The following CYTH1 variants were observed in gnomAD, a reference collection of about 807,000 sequenced individuals.
CYTH1 encodes cytohesin 1.
Under a neutral mutation model 61.8 loss-of-function variants are expected in CYTH1, and 18 were observed. The observed-to-expected ratio is 0.29, with a 90% CI of 0.20 to 0.43. The LOEUF is 0.43. Ranked by LOEUF, CYTH1 falls within the 20% of genes least tolerant of loss-of-function variation. CYTH1 has a pLI of 1.00. For missense variants in CYTH1, 336 were observed against 510.5 expected (o/e 0.66, Z 3.29); for synonymous variants, 174 against 184.3 (o/e 0.94, Z 0.45).
chr17:78,684,317 C>T (rs1321507646), intron 11 of CYTH1, among the ~76,000 whole-genome samples: 4 of 152,202 alleles, frequency 2.6e-5, no homozygotes. Context: ...ATGAGAACCA[C>T]TGATGGAAAC....
At chr17:78,754,597 C>T (rs2093393671) in intron 1 of CYTH1, among the ~76,000 whole-genome samples, 1 of 152,108 alleles carries the variant, frequency 6.6e-6, no homozygotes, top group Admixed American at 6.6e-5. Context: ...ATCCTCCTAC[C>T]TCAACCTCAA....
Position 78,675,981 on chromosome 17 carries a change from G to C in CYTH1, c.*110C>G. 6.5e-7 allele frequency: 1 copy of C among 1,550,026 alleles called. No homozygotes were observed. Among genetic ancestry groups the C allele is most frequent in the Non-Finnish European group, 8.7e-7 (1 of 1,146,222 alleles). ...GCTGAAGCTAGTCTCTAGGAATCCAGGGCGGGGCCTGGCAGAGGACGCTCT... is the reference window on the plus strand; with the variant it reads ...GCTGAAGCTAGTCTCTAGGAATCCACGGCGGGGCCTGGCAGAGGACGCTCT... On this transcript the variant is annotated 3_prime_UTR_variant, in exon 14 of 14. Transcript: ENST00000446868.
rs992619406 is a variant in CYTH1, at chr17:78,776,520, G to A, written c.22+5682C>T. ...AAAAATACAAAACAATTAGCTGAGCGTGGTAGCACACGCCTGTTGTCCCAG... is the reference window on the plus strand; with the variant it reads ...AAAAATACAAAACAATTAGCTGAGCATGGTAGCACACGCCTGTTGTCCCAG... On this transcript the variant is annotated intron_variant, in intron 1 of 13. Coordinates refer to ENST00000446868, the MANE Select transcript of CYTH1 (RefSeq NM_004762.6). Among the ~76,000 whole-genome samples, 7 of 152,060 alleles carry A rather than the reference G, an allele frequency of 4.6e-5. No individual in the cohort carries two copies. The South Asian group carries it at 8.3e-4, about 18-fold the overall frequency.
At chr17:78,744,045 C>A (rs1048971572) in intron 1 of CYTH1, among the ~76,000 whole-genome samples, 2 of 152,332 alleles carry the variant, frequency 1.3e-5, no homozygotes, top group East Asian at 1.9e-4. Context: ...GGGGGCTACA[C>A]TGAGGAAGAA....
At chr17:78,748,972 C>T (rs1248081124) in intron 1 of CYTH1, among the ~76,000 whole-genome samples, 2 of 152,196 alleles carry the variant, frequency 1.3e-5, no homozygotes, top group African/African-American at 4.8e-5. Context: ...GCCCTGAAGA[C>T]GGAACCATCA....
At chr17:78,712,911 G>A (rs941715517) in intron 1 of CYTH1, among the ~76,000 whole-genome samples, 8 of 151,574 alleles carry the variant, frequency 5.3e-5, no homozygotes, top group African/African-American at 1.2e-4. Flanking sequence ...ATTGGAGGAC[G>A]GAGCCTTAAA....
chr17:78,779,014 C>A (rs956713318), intron 1 of CYTH1, among the ~76,000 whole-genome samples: 1 of 152,178 alleles, frequency 6.6e-6, no homozygotes, highest in Non-Finnish European at 1.5e-5. Flanking sequence ...TCATCTTACA[C>A]CATCAGGTAC....
At chr17:78,725,818 A>G (rs1043552034) in intron 1 of CYTH1, among the ~76,000 whole-genome samples, 4 of 152,206 alleles carry the variant, frequency 2.6e-5, no homozygotes, top group African/African-American at 9.6e-5. Context: ...ATGTCAGTGG[A>G]CAAAGAAGTT....
chr17:78,777,854 T>C (rs1200205226), intron 1 of CYTH1, among the ~76,000 whole-genome samples: 4 of 149,560 alleles, frequency 2.7e-5, no homozygotes, highest in Non-Finnish European at 5.9e-5. Flanking sequence ...AAGAAAGAAT[T>C]CTAAAAACAG....
At chr17:78,736,204 C>G (rs2093319232) in intron 1 of CYTH1, among the ~76,000 whole-genome samples, 1 of 152,182 alleles carries the variant, frequency 6.6e-6, no homozygotes, top group Non-Finnish European at 1.5e-5. Context: ...TTTTTAGTAT[C>G]AGATTCTTTC....
intron 11 of CYTH1, among the ~76,000 whole-genome samples, chr17:78,685,444 A>G (rs1210731576): frequency 6.6e-6 from 1 of 150,942 alleles, no homozygotes; most frequent in East Asian, 1.9e-4. Flanking sequence ...TTTATATTTA[A>G]GCATATTTTA....
At chr17:78,771,185 C>A (rs538318497) in intron 1 of CYTH1, among the ~76,000 whole-genome samples, 24 of 152,298 alleles carry the variant, frequency 1.6e-4, no homozygotes, top group Middle Eastern at 6.8e-3. Context: ...ACTGCCTGAA[C>A]CTGGGAGGCA....
intron 1 of CYTH1, among the ~76,000 whole-genome samples, chr17:78,725,146 C>T (rs890348023): frequency 2.0e-5 from 3 of 152,160 alleles, no homozygotes; most frequent in African/African-American, 7.2e-5. Flanking sequence ...TACTCAGTTA[C>T]ATCTCTTTGC....
rs80019235 is a variant in CYTH1 at position 78,682,209 on chromosome 17, C to A, written c.892-1167G>T. ...TCCTAATTTTTTCCTTCCTGAAAAG[C>A]TTCCTTCCCCACTGGAACCAAAATT... is the stretch of plus-strand genomic sequence containing the variant. On this transcript the variant is annotated intron_variant, in intron 11 of 13. Transcript: ENST00000446868. Among the ~76,000 whole-genome samples, 33 of 152,234 alleles carry A rather than the reference C, an allele frequency of 2.2e-4. No homozygotes were observed. In the East Asian group the frequency reaches 6.0e-3, roughly 28 times the overall value.
chr17:78,724,454 G>A (rs2093254364), intron 1 of CYTH1, among the ~76,000 whole-genome samples: 1 of 152,216 alleles, frequency 6.6e-6, no homozygotes, highest in African/African-American at 2.4e-5. Flanking sequence ...TACTGGCACA[G>A]GGAGCAGGTC....
chr17:78,770,699 C>T (rs1442373849), intron 1 of CYTH1, among the ~76,000 whole-genome samples: 2 of 152,160 alleles, frequency 1.3e-5, no homozygotes, highest in African/African-American at 4.8e-5. Flanking sequence ...AGCCACAGAG[C>T]CCGACTGAAA....
At chr17:78,752,634 T>C (rs893697620) in intron 1 of CYTH1, among the ~76,000 whole-genome samples, 1 of 152,164 alleles carries the variant, frequency 6.6e-6, no homozygotes, top group African/African-American at 2.4e-5. Context: ...GGTTTCATTA[T>C]TGGCCAGGCT....
intron 1 of CYTH1, among the ~76,000 whole-genome samples, chr17:78,712,740 T>G (rs1279539175): frequency 6.6e-6 from 1 of 152,128 alleles, no homozygotes; most frequent in Non-Finnish European, 1.5e-5. Context: ...CCTAATATAC[T>G]GAGTCCTGTG....
At chr17:78,768,300 G>T (rs954027191) in intron 1 of CYTH1, among the ~76,000 whole-genome samples, 21 of 152,074 alleles carry the variant, frequency 1.4e-4, no homozygotes, top group African/African-American at 5.1e-4. Flanking sequence ...ATTCCAAGAC[G>T]ACATCCTTGG....
Sources: allele counts gnomAD v4.1 joint callset (sites outside exome capture counted in the v4.1 genomes callset), GRCh38; gene constraint gnomAD v4.1.1; transcripts MANE v1.5; gene names NCBI Gene and HGNC (gene_info 2026-07-23, HGNC 2026-07-21).